Variants in PRKCB observed in about 807,000 individuals in gnomAD.
PRKCB encodes protein kinase C beta type.
In PRKCB, 13 loss-of-function variants were observed where a neutral mutation model predicts 81.5. The ratio of observed to expected loss-of-function variants is 0.16; its 90% CI spans 0.10 to 0.25. The LOEUF (loss-of-function observed/expected upper bound fraction) is 0.25. Among genes scored for constraint, PRKCB ranks in the 10% least tolerant of loss-of-function variants. The probability of loss-of-function intolerance (pLI) is 1.00; values close to 1 mark genes in which losing one functional copy is unlikely to be tolerated. For missense variants in PRKCB, 509 were observed against 875.7 expected, an observed-to-expected ratio of 0.58 and a Z score of 5.29; for synonymous variants, 335 against 321.4, an observed-to-expected ratio of 1.04 and a Z score of -0.45.
In PRKCB at chr16:23,919,481, G is replaced by A. The variant is rs116394758; in HGVS notation, c.206-69027G>A. Among the ~76,000 whole-genome samples the A allele has an allele frequency of 7.7e-3, 1,173 of 151,588 alleles. 8 individuals are homozygous for A. Among genetic ancestry groups the A allele is most frequent in the African/African-American group, 0.027 (1,124 of 41,322 alleles). On this transcript the variant is annotated intron_variant, in intron 2 of 16. Coordinates refer to ENST00000643927, the MANE Select transcript of PRKCB (RefSeq NM_002738.7). ...TTTCATGATCTTTGCTATATAACCA[G>A]ATATCTCTATATTTTGAAATGGATC...
chr16:24,201,844 G>C (rs1046263902), intron 16 of PRKCB, among the ~76,000 whole-genome samples: 1 of 152,090 alleles, frequency 6.6e-6, no homozygotes, highest in Non-Finnish European at 1.5e-5. Flanking sequence ...GACCATCTTG[G>C]CTAACACGGT....
intron 3 of PRKCB, among the ~76,000 whole-genome samples, chr16:24,006,996 T>C (rs1478062582): frequency 1.3e-5 from 2 of 152,194 alleles, no homozygotes; most frequent in Non-Finnish European, 2.9e-5. Context: ...GTTAAAAAGT[T>C]CTTGGGTAAT....
At chr16:23,894,189 A>G (rs1963336890) in intron 2 of PRKCB, among the ~76,000 whole-genome samples, 1 of 152,212 alleles carries the variant, frequency 6.6e-6, no homozygotes, top group African/African-American at 2.4e-5. Flanking sequence ...CTGATGCACA[A>G]ACTTTTTTTC....
rs1383775425 is a variant in PRKCB at position 24,031,608 on chromosome 16, G to A, written c.289-528G>A. ...AAGAATGGATATTGGTGGAAAACCA[G>A]CAGTCTCTGCCACAACTTGCAGACT... On this transcript the variant is annotated intron_variant, in intron 3 of 16. Transcript: ENST00000643927. Among the ~76,000 whole-genome samples, 3 of 152,220 alleles carry A rather than the reference G, an allele frequency of 2.0e-5. No individual in the cohort carries two copies. In the East Asian group the frequency reaches 5.8e-4, roughly 29 times the overall value.
At chr16:24,190,633 C>T (rs1224210411) in intron 15 of PRKCB, among the ~76,000 whole-genome samples, 1 of 151,934 alleles carries the variant, frequency 6.6e-6, no homozygotes. Flanking sequence ...ATTCTCCTGC[C>T]TCAGCCTCCC....
chr16:24,174,628 C>T (rs1044985119), intron 12 of PRKCB, 48 bp downstream of exon 12: 1 of 1,483,718 alleles, frequency 6.7e-7, no homozygotes, highest in Non-Finnish European at 9.3e-7. Context: ...CCCTCAGCTC[C>T]TCCCTGCCCT....
chr16:23,840,635 T>C (rs7189210), intron 2 of PRKCB, among the ~76,000 whole-genome samples: 147,342 of 152,188 alleles, frequency 0.97, 71,362 homozygotes, highest in East Asian at 1. Flanking sequence ...GAGAGGATGT[T>C]GTCTCTGCCA....
intron 3 of PRKCB, among the ~76,000 whole-genome samples, chr16:24,020,798 A>G (rs1965347146): frequency 6.6e-6 from 1 of 152,192 alleles, no homozygotes. Flanking sequence ...GGGATGACAC[A>G]GTCTGAACTT....
At chr16:24,101,834 G>A (rs1026645257) in intron 7 of PRKCB, among the ~76,000 whole-genome samples, 4 of 152,180 alleles carry the variant, frequency 2.6e-5, no homozygotes, top group South Asian at 4.1e-4. Flanking sequence ...AGAAAAAAAC[G>A]GCTTAAGAAT....
intron 2 of PRKCB, among the ~76,000 whole-genome samples, chr16:23,933,427 T>G (rs1361989279): frequency 6.6e-6 from 1 of 152,218 alleles, no homozygotes; most frequent in Non-Finnish European, 1.5e-5. Context: ...TTGGCTCTTC[T>G]GTTAATTCAA....
intron 2 of PRKCB, among the ~76,000 whole-genome samples, chr16:23,917,116 C>G (rs1015771015): frequency 6.6e-6 from 1 of 152,094 alleles, no homozygotes; most frequent in African/African-American, 2.4e-5. Context: ...GAGACAGAGT[C>G]TCGCTCTGTT....
At chr16:23,863,284 A>ACG (rs1962715164) in intron 2 of PRKCB, among the ~76,000 whole-genome samples, 1 of 148,500 alleles carries the variant, frequency 6.7e-6, no homozygotes, top group Admixed American at 6.8e-5. Context: ...ACACACACAC[A>ACG]CGAATATTTT....
At chr16:23,991,607 G>A (rs538994444) in intron 3 of PRKCB, among the ~76,000 whole-genome samples, 108 of 152,266 alleles carry the variant, frequency 7.1e-4, no homozygotes, top group African/African-American at 2.6e-3. Context: ...AAAATTTTGG[G>A]TCCTTGAAAT....
At chr16:24,099,758 A>G (rs1412606084) in intron 7 of PRKCB, 2 of 152,154 alleles carry the variant, frequency 1.3e-5, no homozygotes, top group African/African-American at 4.8e-5. Flanking sequence ...GGATCATTTG[A>G]AGTCAGGAGT....
intron 3 of PRKCB, among the ~76,000 whole-genome samples, chr16:23,992,033 C>T (rs147430570): frequency 1.2e-3 from 177 of 152,266 alleles, no homozygotes; most frequent in Non-Finnish European, 2.0e-3. Context: ...TGAGATAGTG[C>T]CCCTATAAAA....
chr16:24,004,361 T>C (rs1965085410), intron 3 of PRKCB, among the ~76,000 whole-genome samples: 1 of 148,276 alleles, frequency 6.7e-6, no homozygotes, highest in Non-Finnish European at 1.5e-5. Context: ...TTAATAATGA[T>C]ATCAAAAGAA....
chr16:23,882,021 T>TCTTTCTCTTTCTTTCTTCCTTTCTTC, intron 2 of PRKCB, among the ~76,000 whole-genome samples: 2 of 55,592 alleles, frequency 3.6e-5, no homozygotes, highest in African/African-American at 1.2e-4. Flanking sequence ...TTTCTTTCTT[T>TCTTTCTCTTTCTTTCTTCCTTTCTTC]CTTCCTTCCT....
chr16:23,864,940 G>A (rs1244127067), intron 2 of PRKCB, among the ~76,000 whole-genome samples: 1 of 151,950 alleles, frequency 6.6e-6, no homozygotes, highest in Non-Finnish European at 1.5e-5. Context: ...TTATGCCCCT[G>A]TGTACCCAAT....
chr16:24,214,685 C>A lies in PRKCB; in HGVS notation c.1891C>A (p.Arg631=), dbSNP rs750530322. ...ACGRNAENFD[R]FFTRHPPVLT... The stretch of plus-strand genomic sequence containing the variant: ...TGGGCGAAATGCTGAAAACTTCGAC[C>A]GATTTTTCACCCGCCATCCACCAGT... The change falls in exon 17 of 17, where the codon CGA becomes AGA. Residue 631 remains arginine (R), a synonymous_variant. Coordinates refer to ENST00000643927, the MANE Select transcript of PRKCB (RefSeq NM_002738.7). The A allele has an allele frequency of 1.2e-5, 19 of 1,613,968 alleles. No individual in the cohort carries two copies. Among genetic ancestry groups the A allele is most frequent in the Non-Finnish European group, 1.5e-5 (18 of 1,180,020 alleles).
Sources: gnomAD v4.1 joint callset for allele counts (sites outside exome capture counted in the v4.1 genomes callset) on GRCh38, gnomAD v4.1.1 for gene constraint, MANE v1.5 for transcripts, NCBI Gene and HGNC (gene_info 2026-07-23, HGNC 2026-07-21) for gene names.